SNX32: variants seen among roughly 807,000 people sequenced by gnomAD.
SNX32 encodes sorting nexin-32.
SNX32 carries 58 observed loss-of-function variants against 57.0 expected under a neutral mutation model. That is an observed-to-expected ratio of 1.02 (90% CI 0.82 to 1.27). The LOEUF (loss-of-function observed/expected upper bound fraction) is 1.27. SNX32 is among the 50% of genes most tolerant of loss of function. The probability of loss-of-function intolerance (pLI) is 0.00; values close to 1 mark genes in which losing one functional copy is unlikely to be tolerated. For synonymous variants in SNX32, 262 were observed against 220.4 expected (o/e 1.19, Z -1.67); for missense variants, 589 against 541.2 (o/e 1.09, Z -0.88).
At chr11:65,853,100 A>T in intron 12 of SNX32, 142 bp downstream of exon 12, 2 of 1,264,796 alleles carry the variant, frequency 1.6e-6, no homozygotes, top group Non-Finnish European at 2.3e-6. Context: ...GCCCCAGCTA[A>T]GGCTTGGGGC....
chr11:65,847,312 A>C (rs1231038662), intron 1 of SNX32, among the ~76,000 whole-genome samples: 1 of 152,020 alleles, frequency 6.6e-6, no homozygotes, highest in Non-Finnish European at 1.5e-5. Context: ...CTTTTAAAAA[A>C]AAATTTTTAA....
At chr11:65,849,789 C>A (rs1284897866) in intron 2 of SNX32, 131 bp from the exon 3 acceptor site, 10 of 792,734 alleles carry the variant, frequency 1.3e-5, no homozygotes, top group East Asian at 2.7e-5. Context: ...TAAATGAAAT[C>A]ATGCACACCT....
chr11:65,851,311 G>A lies in SNX32; in HGVS notation c.710-17G>A, dbSNP rs748191172. 5.0e-6 allele frequency: 8 copies of A among 1,613,796 alleles called. No homozygotes were observed. The African/African-American group carries it at 9.3e-5, about 19-fold the overall frequency. Reference sequence around the variant, plus strand: ...CATGCAGATGTAGGGGCTCTGATGGGGGCTGTTCCCCAACAGGCCTGGCAG... The same window carrying A: ...CATGCAGATGTAGGGGCTCTGATGGAGGCTGTTCCCCAACAGGCCTGGCAG... On this transcript the variant is annotated splice_polypyrimidine_tract_variant and intron_variant, in intron 7 of 12. Coordinates refer to ENST00000308342, the MANE Select transcript of SNX32 (RefSeq NM_152760.3).
rs759852970 is a variant in SNX32, at chr11:65,852,617, C to A, written c.913-13C>A. The stretch of plus-strand genomic sequence containing the variant: ...AGGACAGGGCAGCAGTGACCCTGTG[C>A]CCATGGTCCTAGGACCTGCTGTACC... On this transcript the variant is annotated splice_polypyrimidine_tract_variant and intron_variant, in intron 10 of 12. Transcript: ENST00000308342. The A allele has an allele frequency of 2.3e-5, 37 of 1,612,676 alleles. No homozygotes were observed. Among genetic ancestry groups the A allele is most frequent in the Non-Finnish European group, 3.0e-5 (35 of 1,179,620 alleles).
chr11:65,850,407 G>A lies in SNX32; in HGVS notation c.375-24G>A, dbSNP rs201843475. 606 of 1,613,616 alleles carry A rather than the reference G, an allele frequency of 3.8e-4. 2 individuals are homozygous for A. The African/African-American group carries it at 6.5e-3, about 17-fold the overall frequency. On this transcript the variant is annotated intron_variant, in intron 4 of 12. Coordinates refer to ENST00000308342, the MANE Select transcript of SNX32 (RefSeq NM_152760.3). ...AGGATGATGGGGGCTGAGGAGGGCC[G>A]GTGAGCTGCTGCCACTCTCGCAGGG... is the stretch of plus-strand genomic sequence containing the variant.
chr11:65,834,096 G>C lies in SNX32; in HGVS notation c.31G>C (p.Gly11Arg). The C allele has an allele frequency of 1.3e-6, 2 of 1,551,328 alleles. No homozygotes were observed. The highest frequency in any genetic ancestry group is 1.7e-6 in the Non-Finnish European group (2 of 1,146,822). METYAEVGKEGKPSCASVDLQ... is the reference protein window; with the variant it reads METYAEVGKERKPSCASVDLQ... ...GACGTATGCGGAGGTTGGGAAGGAG[G>C]GCAAGGTAGAGAAAGGATGAAGACC... The change falls in exon 1 of 13, where the codon GGC becomes CGC. Residue 11 changes from glycine (G) to arginine (R), a missense_variant. Transcript: ENST00000308342.
chr11:65,850,059 G>C (rs1447652933), intron 3 of SNX32, 29 bp downstream of exon 3: 1 of 1,614,042 alleles, frequency 6.2e-7, no homozygotes, highest in East Asian at 2.2e-5. Flanking sequence ...GGGGCTGGGA[G>C]GGACAGGCAG....
chr11:65,846,016 A>T (rs1858983440), intron 1 of SNX32, among the ~76,000 whole-genome samples: 1 of 152,218 alleles, frequency 6.6e-6, no homozygotes, highest in East Asian at 1.9e-4. Flanking sequence ...TCACACCTGT[A>T]ATCCCAGTTC....
In SNX32 at chr11:65,841,690, C is replaced by T. The variant is rs146810094; in HGVS notation, c.36+7589C>T. Among the ~76,000 whole-genome samples, 612 of 151,902 alleles carry T rather than the reference C, an allele frequency of 4.0e-3. 2 individuals are homozygous for T. Among genetic ancestry groups the T allele is most frequent in the South Asian group, 0.013 (61 of 4,822 alleles). On this transcript the variant is annotated intron_variant, in intron 1 of 12. Coordinates refer to ENST00000308342, the MANE Select transcript of SNX32 (RefSeq NM_152760.3). ...CAGAGATTGCAGTGAGCCGAGATTG[C>T]GCCATCGCACTCCAGCCTGGGCAAC...
At chr11:65,834,517 T>C (rs1467432286) in intron 1 of SNX32, among the ~76,000 whole-genome samples, 1 of 151,022 alleles carries the variant, frequency 6.6e-6, no homozygotes, top group East Asian at 1.9e-4. Flanking sequence ...CATGTCTGTG[T>C]CTGTCTCTGT....
intron 1 of SNX32, among the ~76,000 whole-genome samples, chr11:65,841,682 C>T (rs1055027050): frequency 2.6e-5 from 4 of 151,678 alleles, no homozygotes; most frequent in Non-Finnish European, 5.9e-5. Flanking sequence ...TGCAGTGAGC[C>T]GAGATTGCGC....
At chr11:65,834,997 G>A (rs1325352995) in intron 1 of SNX32, among the ~76,000 whole-genome samples, 1 of 150,134 alleles carries the variant, frequency 6.7e-6, no homozygotes, top group Non-Finnish European at 1.5e-5. Context: ...GTGTGTCTGT[G>A]TGTGTGTTTC....
chr11:65,850,120 G>A, intron 3 of SNX32, 30 bp from the exon 4 acceptor site: 1 of 1,614,218 alleles, frequency 6.2e-7, no homozygotes, highest in Middle Eastern at 1.7e-4. Flanking sequence ...GCAGTGAGAG[G>A]CCTCCCAGCT....
Position 65,852,620 on chromosome 11 carries a change from A to C in SNX32, c.913-10A>C. ...ACAGGGCAGCAGTGACCCTGTGCCC[A>C]TGGTCCTAGGACCTGCTGTACCGGC... On this transcript the variant is annotated splice_polypyrimidine_tract_variant and intron_variant, in intron 10 of 12. Coordinates refer to ENST00000308342, the MANE Select transcript of SNX32 (RefSeq NM_152760.3). 6.2e-7 allele frequency: 1 copy of C among 1,612,770 alleles called. No homozygotes were observed. The highest frequency in any genetic ancestry group is 8.5e-7 in the Non-Finnish European group (1 of 1,179,594).
intron 1 of SNX32, among the ~76,000 whole-genome samples, chr11:65,841,866 T>G (rs181496114): frequency 2.0e-5 from 3 of 152,182 alleles, no homozygotes; most frequent in Non-Finnish European, 2.9e-5. Context: ...AAAGAAGACC[T>G]AAATAATTGG....
In SNX32 at chr11:65,833,994, C is replaced by T. The variant is rs1858574269; in HGVS notation, c.-72C>T. On this transcript the variant is annotated 5_prime_UTR_variant, in exon 1 of 13. Transcript: ENST00000308342. ...TGAGAGCATCCTCACTCGGTCAGTT[C>T]CTCGGGCGAGTTACGGGGACGACCT... The T allele has an allele frequency of 6.6e-7, 1 of 1,518,590 alleles. No individual in the cohort carries two copies. Among genetic ancestry groups the T allele is most frequent in the African/African-American group, 1.4e-5 (1 of 72,134 alleles). 94.1% of individuals were successfully genotyped at this position (1,518,590 alleles called of 1,614,324 possible). A position where few individuals can be genotyped will look rare whatever the true frequency, so the allele number is the denominator to read the frequency against.
Position 65,851,343 on chromosome 11 carries a change from A to G in SNX32, c.725A>G (p.Tyr242Cys). The change falls in exon 8 of 13, where the codon TAT becomes TGT. Residue 242 changes from tyrosine to cysteine, a missense_variant. Physicochemically the swap from Tyr to Cys is radical, Grantham distance 194. Transcript: ENST00000308342. ...TCCCCAACAGGCCTGGCAGACGATT[A>G]TATCCCTATCTCAGCTGCGCTGAGC... ...MRAHKCLADD[Y>C]IPISAALSSL... 1 of 1,614,144 alleles carries G rather than the reference A, an allele frequency of 6.2e-7. No homozygotes were observed. The highest frequency in any genetic ancestry group is 2.2e-5 in the East Asian group (1 of 44,880).
chr11:65,850,242 G>A lies in SNX32; in HGVS notation c.345G>A (p.Glu115=). The change falls in exon 4 of 13, where the codon GAG becomes GAA. Residue 115 remains glutamate (E), a synonymous_variant. Coordinates refer to ENST00000308342, the MANE Select transcript of SNX32 (RefSeq NM_152760.3). ...GEGDSSVTRE[E]FAKMKQELEA... ...GGGACAGCTCTGTCACTCGGGAAGA[G>A]TTTGCCAAGATGAAGCAGGAGCTGG... 1 of 1,614,248 alleles carries A rather than the reference G, an allele frequency of 6.2e-7. No homozygotes were observed. Among genetic ancestry groups the A allele is most frequent in the Non-Finnish European group, 8.5e-7 (1 of 1,180,044 alleles).
rs1447540129 is a variant in SNX32 at position 65,850,862 on chromosome 11, C to T, written c.603+7C>T. ...GGGCATGTCAGGGCTCAAGGTAACC[C>T]CTGGTGCTCCTCTCCGGATTCAACC... On this transcript the variant is annotated splice_region_variant and intron_variant, in intron 6 of 12. Transcript: ENST00000308342. The T allele has an allele frequency of 2.5e-6, 4 of 1,609,972 alleles. No homozygotes were observed. Among genetic ancestry groups the T allele is most frequent in the Non-Finnish European group, 3.4e-6 (4 of 1,177,034 alleles).
Sources: allele counts gnomAD v4.1 joint callset (sites outside exome capture counted in the v4.1 genomes callset), GRCh38; gene constraint gnomAD v4.1.1; transcripts MANE v1.5; gene names NCBI Gene and HGNC (gene_info 2026-07-23, HGNC 2026-07-21).